Variants in MACROD2 observed in about 807,000 individuals in gnomAD.
MACROD2 encodes the protein mono-ADP ribosylhydrolase 2.
A neutral mutation model predicts 70.4 loss-of-function variants in MACROD2; 36 were observed. The ratio of observed to expected loss-of-function variants is 0.51; its 90% CI spans 0.39 to 0.68. MACROD2 has a LOEUF of 0.68. Ranked by LOEUF, MACROD2 falls within the 30% of genes least tolerant of loss-of-function variation. The pLI is 0.00. For synonymous variants in MACROD2, 172 were observed against 178.8 expected (o/e 0.96, Z 0.30); for missense variants, 496 against 538.4 (o/e 0.92, Z 0.78).
At chr20:16,040,409 C>G (rs1393018361) in intron 15 of MACROD2, among the ~76,000 whole-genome samples, 1 of 151,752 alleles carries the variant, frequency 6.6e-6, no homozygotes, top group Non-Finnish European at 1.5e-5. Context: ...AATCATAAAA[C>G]CTTTAAAATT....
chr20:14,624,947 G>A (rs1984049875), intron 4 of MACROD2, among the ~76,000 whole-genome samples: 1 of 152,168 alleles, frequency 6.6e-6, no homozygotes, highest in African/African-American at 2.4e-5. Context: ...TTTGCACATT[G>A]CACCTTTTGT....
At chr20:15,556,929 T>G (rs1600585689) in intron 8 of MACROD2, among the ~76,000 whole-genome samples, 1 of 152,194 alleles carries the variant, frequency 6.6e-6, no homozygotes, top group African/African-American at 2.4e-5. Flanking sequence ...GTTTCCAACT[T>G]TATTTACTGT....
chr20:15,748,212 C>A (rs1254620856), intron 8 of MACROD2, among the ~76,000 whole-genome samples: 1 of 152,088 alleles, frequency 6.6e-6, no homozygotes, highest in African/African-American at 2.4e-5. Flanking sequence ...ATACCTCCTA[C>A]AAAGAATGGG....
intron 5 of MACROD2, among the ~76,000 whole-genome samples, chr20:14,864,183 T>A (rs1426506949): frequency 6.6e-6 from 1 of 152,192 alleles, no homozygotes; most frequent in African/African-American, 2.4e-5. Flanking sequence ...CTTTTCTTGC[T>A]GCCTAAGACA....
In MACROD2 at chr20:14,154,948, A is replaced by C. The variant is rs185740545; in HGVS notation, c.271+69220A>C. Among the ~76,000 whole-genome samples the C allele has an allele frequency of 4.8e-3, 729 of 152,328 alleles. 5 individuals carry two copies. Among genetic ancestry groups the C allele is most frequent in the Non-Finnish European group, 5.8e-3 (393 of 68,036 alleles). On this transcript the variant is annotated intron_variant, in intron 3 of 17. Transcript: ENST00000684519. The stretch of plus-strand genomic sequence containing the variant: ...CCCTTGCCAGAATGTGAGCTCCTTA[A>C]GGATGAGAACTAAGTGCTTTTTTCT...
intron 4 of MACROD2, among the ~76,000 whole-genome samples, chr20:14,514,688 A>G (rs567536272): frequency 6.6e-6 from 1 of 152,212 alleles, no homozygotes; most frequent in Admixed American, 6.6e-5. Context: ...TGAACCCAGA[A>G]GAACAGGAGC....
chr20:15,954,493 C>G (rs927064122), intron 12 of MACROD2, among the ~76,000 whole-genome samples: 5 of 152,134 alleles, frequency 3.3e-5, no homozygotes, highest in African/African-American at 1.2e-4. Flanking sequence ...TGCATGCTTT[C>G]CTCCTATCCA....
At position 14,326,401 on chromosome 20, in the gene MACROD2, G is replaced by A. The variant is rs771836971; in HGVS notation, c.272-167078G>A. 5 of 1,613,790 alleles carry A rather than the reference G, an allele frequency of 3.1e-6. No homozygotes were observed. Among genetic ancestry groups the A allele is most frequent in the African/African-American group, 1.3e-5 (1 of 74,884 alleles). On this transcript the variant is annotated intron_variant, in intron 3 of 17. Transcript: ENST00000684519. The surrounding 1 kb of genome is among the most constrained non-coding windows in gnomAD (Gnocchi z 5.5). ...GGCAGGATACACTGTGTTGGGTATT[G>A]CAGTGGTTATCTGAATGGTGCTTAC...
chr20:14,582,721 T>C (rs1275483592), intron 4 of MACROD2, among the ~76,000 whole-genome samples: 2 of 152,116 alleles, frequency 1.3e-5, no homozygotes, highest in East Asian at 3.9e-4. Context: ...GTTAAACATA[T>C]TAATAAGGAC....
intron 5 of MACROD2, among the ~76,000 whole-genome samples, chr20:15,029,511 G>A (rs1416590769): frequency 6.6e-6 from 1 of 152,168 alleles, no homozygotes; most frequent in Non-Finnish European, 1.5e-5. Flanking sequence ...CTTTTCCGAT[G>A]AGGCTGATAC....
At position 14,622,201 on chromosome 20, in the gene MACROD2, C is replaced by T. The variant is rs555172422; in HGVS notation, c.302-62642C>T. On this transcript the variant is annotated intron_variant, in intron 4 of 17. Coordinates refer to ENST00000684519, the MANE Select transcript of MACROD2 (RefSeq NM_001351661.2). The stretch of plus-strand genomic sequence containing the variant: ...ATTAGAAACTCAAATAATTTTCTTG[C>T]AATGATCTACATACATGCCTTTAGT... Among the ~76,000 whole-genome samples the T allele has an allele frequency of 6.0e-4, 91 of 152,174 alleles. 2 individuals are homozygous for T. In the South Asian group the frequency reaches 0.014, roughly 24 times the overall value.
At position 15,616,098 on chromosome 20, in the gene MACROD2, C is replaced by CTT. The variant is rs34011264; in HGVS notation, c.645+116272_645+116273dup. 4.1e-3 allele frequency among the ~76,000 whole-genome samples: 453 copies of CTT among 111,158 alleles called. 1 individual carries two copies. The highest frequency in any genetic ancestry group is 5.1e-3 in the African/African-American group (132 of 25,828). 72.9% of individuals were successfully genotyped at this position (111,158 alleles called of 152,430 possible). On this transcript the variant is annotated intron_variant, in intron 8 of 17. Coordinates refer to ENST00000684519, the MANE Select transcript of MACROD2 (RefSeq NM_001351661.2). ...TCTCTCACTCCATCAGTTCCCCATT[C>CTT]TTTTTTTTTTTTTTTTTTTTTTGAG...
intron 8 of MACROD2, among the ~76,000 whole-genome samples, chr20:15,701,202 G>A (rs1234551013): frequency 1.3e-5 from 2 of 152,194 alleles, no homozygotes; most frequent in Non-Finnish European, 2.9e-5. Context: ...CAATGGCAGA[G>A]TTTAGTAGTT....
At chr20:15,750,876 A>T (rs2051258561) in intron 8 of MACROD2, among the ~76,000 whole-genome samples, 2 of 152,036 alleles carry the variant, frequency 1.3e-5, no homozygotes, top group African/African-American at 4.8e-5. Flanking sequence ...AATCTAAAAA[A>T]AACAAAAAAC....
At chr20:15,610,906 C>T (rs2048957803) in intron 8 of MACROD2, among the ~76,000 whole-genome samples, 1 of 150,992 alleles carries the variant, frequency 6.6e-6, no homozygotes, top group African/African-American at 2.4e-5. Context: ...GATGCTCTTT[C>T]TCATTTCAGG....
At chr20:15,108,661 G>T (rs569680462) in intron 5 of MACROD2, among the ~76,000 whole-genome samples, 1 of 152,142 alleles carries the variant, frequency 6.6e-6, no homozygotes, top group East Asian at 1.9e-4. Context: ...TTTTTGTTTA[G>T]CAAGGATATT....
intron 5 of MACROD2, among the ~76,000 whole-genome samples, chr20:15,111,622 C>T (rs1338816300): frequency 2.0e-5 from 3 of 152,138 alleles, no homozygotes; most frequent in Non-Finnish European, 4.4e-5. Flanking sequence ...TATGTTTGGT[C>T]CTTTCCAGGC....
At chr20:14,489,913 T>C (rs753379372) in intron 3 of MACROD2, among the ~76,000 whole-genome samples, 16 of 151,576 alleles carry the variant, frequency 1.1e-4, no homozygotes, top group Admixed American at 5.9e-4. Context: ...CAGGCTGGAG[T>C]GCAGTGGCAC....
chr20:14,425,985 A>T (rs1442233101), intron 3 of MACROD2, among the ~76,000 whole-genome samples: 1 of 152,114 alleles, frequency 6.6e-6, no homozygotes, highest in East Asian at 1.9e-4. Context: ...TTTTGAAAGA[A>T]TTGTTTTTGT....
Sources: gnomAD v4.1 joint callset for allele counts (sites outside exome capture counted in the v4.1 genomes callset) on GRCh38, gnomAD v4.1.1 for gene constraint, Gnocchi (gnomAD v3.1) non-coding constraint, MANE v1.5 for transcripts, NCBI Gene and HGNC (gene_info 2026-07-23, HGNC 2026-07-21) for gene names.